The following FARP2 variants were observed in gnomAD, a reference collection of about 807,000 sequenced individuals.
The protein encoded by FARP2 is FERM, ARH/RhoGEF and pleckstrin domain protein 2.
FARP2 carries 111 observed loss-of-function variants against 130.5 expected under a neutral mutation model. The ratio of observed to expected loss-of-function variants is 0.85; its 90% confidence interval spans 0.73 to 1.00. The LOEUF is 1.00. Among genes scored for constraint, FARP2 ranks in the 50% least tolerant of loss-of-function variants. The pLI is 0.00. For missense variants in FARP2, 1,385 were observed against 1,346.3 expected, an observed-to-expected ratio of 1.03 and a Z score of -0.45; for synonymous variants, 504 against 516.9, an observed-to-expected ratio of 0.98 and a Z score of 0.34.
At chr2:241,447,871 G>A (rs1414488763) in intron 13 of FARP2, among the ~76,000 whole-genome samples, 3 of 152,168 alleles carry the variant, frequency 2.0e-5, no homozygotes, top group African/African-American at 4.8e-5. Flanking sequence ...GGACCTTGGA[G>A]CAGCACAGAG....
chr2:241,406,032 G>A (rs1444264083), intron 4 of FARP2, among the ~76,000 whole-genome samples: 8 of 152,080 alleles, frequency 5.3e-5, no homozygotes, highest in East Asian at 3.9e-4. Context: ...GGCCGGGCAC[G>A]GTGGCTCACG....
At chr2:241,477,078 CTCT>C (rs2064488209) in intron 19 of FARP2, among the ~76,000 whole-genome samples, 2 of 149,592 alleles carry the variant, frequency 1.3e-5, no homozygotes, top group Admixed American at 1.3e-4. Context: ...CCTCTTGTGA[CTCT>C]TCTTTCACTC....
At position 241,436,557 on chromosome 2, in the gene FARP2, A is replaced by G; in HGVS notation, c.1158+19A>G. ...AAAACAGGTTAGTCTCTTCCGGTTC[A>G]ACATGGGGGCAGTAGGAGTTCCCTG... On this transcript the variant is annotated intron_variant, in intron 12 of 26. Coordinates refer to ENST00000264042, the MANE Select transcript of FARP2 (RefSeq NM_014808.4). 1.2e-6 allele frequency: 2 copies of G among 1,609,918 alleles called. No homozygotes were observed.
intron 2 of FARP2, among the ~76,000 whole-genome samples, chr2:241,374,085 C>T (rs1174442844): frequency 1.3e-5 from 2 of 151,328 alleles, no homozygotes; most frequent in Non-Finnish European, 2.9e-5. Flanking sequence ...GATCATGCCT[C>T]ACTGCAGCCT....
At chr2:241,366,110 T>TACATATATAC (rs1694782567) in intron 1 of FARP2, among the ~76,000 whole-genome samples, 1 of 55,582 alleles carries the variant, frequency 1.8e-5, no homozygotes, top group Non-Finnish European at 3.7e-5. Context: ...AAAAAATATA[T>TACATATATAC]ATATATATAT....
chr2:241,450,105 A>G (rs1477705569), intron 13 of FARP2, among the ~76,000 whole-genome samples: 7 of 152,162 alleles, frequency 4.6e-5, no homozygotes, highest in Admixed American at 4.6e-4. Flanking sequence ...GAATCAGAGC[A>G]CTTTGGGAAG....
At chr2:241,465,467 A>G (rs764272290) in intron 17 of FARP2, 2 of 1,550,442 alleles carry the variant, frequency 1.3e-6, no homozygotes, top group Non-Finnish European at 1.7e-6. Context: ...CAGGTGTTCC[A>G]GCTCCACGAA....
chr2:241,464,376 C>A (rs1367968571), intron 17 of FARP2, among the ~76,000 whole-genome samples: 1 of 148,952 alleles, frequency 6.7e-6, no homozygotes, highest in African/African-American at 2.5e-5. Flanking sequence ...AGAACAGGGA[C>A]CCCCTCAGAG....
chr2:241,483,697 G>A (rs2064683319), intron 20 of FARP2, 164 bp downstream of exon 20: 2 of 768,736 alleles, frequency 2.6e-6, no homozygotes, highest in Non-Finnish European at 3.2e-6. Context: ...GGCCAGGGGA[G>A]GGTCACAGAG....
At chr2:241,373,958 A>T (rs1366242969) in intron 2 of FARP2, among the ~76,000 whole-genome samples, 1 of 151,150 alleles carries the variant, frequency 6.6e-6, no homozygotes, top group Non-Finnish European at 1.5e-5. Context: ...ATTAGAAAAC[A>T]TTTTTTTGTT....
At chr2:241,376,509 G>T (rs2061538951) in intron 2 of FARP2, among the ~76,000 whole-genome samples, 2 of 120,812 alleles carry the variant, frequency 1.7e-5, no homozygotes, top group South Asian at 5.5e-4. Flanking sequence ...TGTAGGGCCT[G>T]CCCTGAGTGG....
chr2:241,408,777 G>C (rs962223271), intron 5 of FARP2, among the ~76,000 whole-genome samples: 15 of 152,116 alleles, frequency 9.9e-5, no homozygotes, highest in African/African-American at 3.6e-4. Flanking sequence ...AAATGAATCA[G>C]ATGTCTTATG....
intron 12 of FARP2, among the ~76,000 whole-genome samples, chr2:241,440,642 C>A (rs906161796): frequency 6.6e-6 from 1 of 152,136 alleles, no homozygotes; most frequent in African/African-American, 2.4e-5. Flanking sequence ...TGTCCTAACT[C>A]CCTCGCGACG....
intron 21 of FARP2, among the ~76,000 whole-genome samples, chr2:241,486,486 AACAC>A (rs2064755999): frequency 1.6e-5 from 2 of 127,562 alleles, no homozygotes; most frequent in Non-Finnish European, 1.6e-5. Flanking sequence ...AAAAAAAAAA[AACAC>A]AGAGAAAAGA....
chr2:241,360,379 G>A (rs539182998), intron 1 of FARP2, among the ~76,000 whole-genome samples: 15 of 152,230 alleles, frequency 9.9e-5, no homozygotes, highest in Admixed American at 3.9e-4. Flanking sequence ...GGTGGCTCAC[G>A]CCTGTAATCA....
intron 2 of FARP2, among the ~76,000 whole-genome samples, chr2:241,394,878 C>T (rs1167520082): frequency 6.6e-6 from 1 of 152,214 alleles, no homozygotes. Flanking sequence ...GGACCTGTCC[C>T]GAATGAACCC....
chr2:241,478,581 A>G, intron 19 of FARP2: 1 of 497,370 alleles, frequency 2.0e-6, no homozygotes, highest in South Asian at 1.5e-5. Flanking sequence ...GACCCCACCT[A>G]TTTTGGGCCT....
At chr2:241,402,939 C>T (rs1425212014) in intron 2 of FARP2, among the ~76,000 whole-genome samples, 1 of 98,862 alleles carries the variant, frequency 1.0e-5, no homozygotes, top group Non-Finnish European at 1.9e-5. Flanking sequence ...CCATGTTGCC[C>T]AGGCTTATCC....
intron 8 of FARP2, among the ~76,000 whole-genome samples, chr2:241,422,260 C>CAAAAAAA (rs1198628886): frequency 1.3e-4 from 12 of 91,978 alleles, no homozygotes; most frequent in Non-Finnish European, 6.6e-5. Flanking sequence ...ACTAAAAATA[C>CAAAAAAA]AAAAAAAAAA....
Sources: gnomAD v4.1 joint callset for allele counts (sites outside exome capture counted in the v4.1 genomes callset) on GRCh38, gnomAD v4.1.1 for gene constraint, MANE v1.5 for transcripts, NCBI Gene and HGNC (gene_info 2026-07-23, HGNC 2026-07-21) for gene names.